The following MYRIP variants were observed in gnomAD, a reference collection of about 807,000 sequenced individuals.
MYRIP encodes the protein rab effector MyRIP.
MYRIP carries 49 observed loss-of-function variants against 98.0 expected under a neutral mutation model. The ratio of observed to expected loss-of-function variants is 0.50; its 90% CI spans 0.40 to 0.63. The LOEUF (loss-of-function observed/expected upper bound fraction) is 0.63, where lower values mean the gene tolerates loss of function less well. MYRIP is among the 30% of genes least tolerant of loss of function. The pLI is 0.00. For missense variants in MYRIP, 1,004 were observed against 1,058.2 expected, an observed-to-expected ratio of 0.95 and a Z score of 0.71; for synonymous variants, 404 against 409.5, an observed-to-expected ratio of 0.99 and a Z score of 0.16.
At chr3:39,951,991 C>T (rs1945028856) in intron 2 of MYRIP, among the ~76,000 whole-genome samples, 1 of 152,112 alleles carries the variant, frequency 6.6e-6, no homozygotes, top group Admixed American at 6.6e-5. Flanking sequence ...GCAATCATCA[C>T]CACAATCAGA....
At chr3:40,033,935 G>T (rs960868045) in intron 2 of MYRIP, among the ~76,000 whole-genome samples, 30 of 152,144 alleles carry the variant, frequency 2.0e-4, no homozygotes, top group South Asian at 2.1e-4. Flanking sequence ...ACAACTATCT[G>T]ATCTTTGACA....
At chr3:39,998,258 G>A (rs1034727383) in intron 2 of MYRIP, among the ~76,000 whole-genome samples, 1 of 152,176 alleles carries the variant, frequency 6.6e-6, no homozygotes, top group Non-Finnish European at 1.5e-5. Flanking sequence ...GTTTGCAGAT[G>A]ACATGATTGT....
chr3:40,008,208 G>A lies in MYRIP; in HGVS notation c.111-35842G>A, dbSNP rs1236401027. Among the ~76,000 whole-genome samples the A allele has an allele frequency of 2.8e-4, 43 of 152,012 alleles. 1 individual carries two copies. The highest frequency in any genetic ancestry group is 2.8e-3 in the Admixed American group (43 of 15,260). On this transcript the variant is annotated intron_variant, in intron 2 of 16. Transcript: ENST00000302541. ...TTCTCTGCACTTAGAATATTATATG[G>A]TACAAGGTAGCATTTCCATATATGT... is the stretch of plus-strand genomic sequence containing the variant.
At position 39,929,160 on chromosome 3, in the gene MYRIP, T is replaced by A. The variant is rs75053793; in HGVS notation, c.110+28234T>A. Among the ~76,000 whole-genome samples, 978 of 151,962 alleles carry A rather than the reference T, an allele frequency of 6.4e-3. 15 individuals carry two copies. The highest frequency in any genetic ancestry group is 0.023 in the African/African-American group (946 of 41,494). ...AATTAAAATATGATATTGTTTAGAG[T>A]CACTCAAAAACAAATGAAATATTTA... On this transcript the variant is annotated intron_variant, in intron 2 of 16. Transcript: ENST00000302541.
rs768094065 is a variant in MYRIP, at chr3:40,142,047, ATTTTTTTTTTTTT to A, written c.333-8990_333-8978del. 2.3e-4 allele frequency among the ~76,000 whole-genome samples: 22 copies of A among 95,970 alleles called. No individual in the cohort carries two copies. The South Asian group carries it at 9.5e-3, about 41-fold the overall frequency. 63.0% of individuals were successfully genotyped at this position (95,970 alleles called of 152,430 possible). On this transcript the variant is annotated intron_variant, in intron 3 of 16. Coordinates refer to ENST00000302541, the MANE Select transcript of MYRIP (RefSeq NM_015460.4). Reference sequence around the variant, plus strand: ...GATTGCTCTGGGTAGTATGCTGTTGATTTTTTTTTTTTTTTTTTTTTTTGAGAGAAGTCTTGCT... The same window carrying A: ...GATTGCTCTGGGTAGTATGCTGTTGATTTTTTTTTTGAGAGAAGTCTTGCT...
intron 8 of MYRIP, among the ~76,000 whole-genome samples, chr3:40,172,287 C>G (rs544072893): frequency 6.6e-6 from 1 of 152,100 alleles, no homozygotes; most frequent in African/African-American, 2.4e-5. Flanking sequence ...GTGCTGGGGA[C>G]AGGTAGACGC....
chr3:40,196,237 G>A (rs752888948), intron 10 of MYRIP, among the ~76,000 whole-genome samples: 13 of 151,258 alleles, frequency 8.6e-5, no homozygotes, highest in Non-Finnish European at 1.8e-4. Context: ...TTGCTTCCTA[G>A]TCTGTTAATT....
At chr3:39,838,874 C>T (rs201301007) in intron 1 of MYRIP, among the ~76,000 whole-genome samples, 1 of 152,096 alleles carries the variant, frequency 6.6e-6, no homozygotes, top group Non-Finnish European at 1.5e-5. Context: ...TTAATTACTG[C>T]CTCAATTTCA....
chr3:40,156,790 T>G (rs1282109061), intron 4 of MYRIP, among the ~76,000 whole-genome samples: 24 of 152,094 alleles, frequency 1.6e-4, no homozygotes, highest in Admixed American at 1.6e-3. Flanking sequence ...TTTGGCTCTC[T>G]GTTTGTCTGT....
intron 1 of MYRIP, among the ~76,000 whole-genome samples, chr3:39,882,504 A>T (rs1195121263): frequency 6.6e-6 from 1 of 152,162 alleles, no homozygotes; most frequent in Non-Finnish European, 1.5e-5. Flanking sequence ...TTTTTGTCAG[A>T]ACACAATTAT....
intron 11 of MYRIP, among the ~76,000 whole-genome samples, chr3:40,221,526 G>T (rs1207502881): frequency 6.6e-6 from 1 of 152,162 alleles, no homozygotes; most frequent in Non-Finnish European, 1.5e-5. Context: ...AGCTACTCCG[G>T]AGGCTAAGGT....
intron 3 of MYRIP, among the ~76,000 whole-genome samples, chr3:40,130,515 C>G (rs1295876723): frequency 6.6e-6 from 1 of 151,550 alleles, no homozygotes. Context: ...GTAGCTGGGA[C>G]TACAGGCGCC....
At chr3:40,215,806 C>T (rs1952102451) in intron 11 of MYRIP, among the ~76,000 whole-genome samples, 1 of 152,154 alleles carries the variant, frequency 6.6e-6, no homozygotes, top group African/African-American at 2.4e-5. Context: ...TTCCAAACTA[C>T]ACTGATTTCA....
chr3:40,166,527 T>G (rs1003764506), intron 5 of MYRIP, among the ~76,000 whole-genome samples: 6 of 127,380 alleles, frequency 4.7e-5, no homozygotes, highest in African/African-American at 2.0e-4. Context: ...CCGAGAAGAT[T>G]TGTTAGAGGA....
intron 11 of MYRIP, among the ~76,000 whole-genome samples, chr3:40,232,387 C>G (rs1952688539): frequency 6.6e-6 from 1 of 152,208 alleles, no homozygotes; most frequent in Non-Finnish European, 1.5e-5. Context: ...CTTTGCTTCT[C>G]TAGTGAAGTG....
rs1367293972 is a variant in MYRIP, at chr3:39,874,148, G to A, written c.-30-26639G>A. 7.7e-3 allele frequency among the ~76,000 whole-genome samples: 1,175 copies of A among 151,658 alleles called. 18 individuals carry two copies. Among genetic ancestry groups the A allele is most frequent in the African/African-American group, 0.027 (1,113 of 41,110 alleles). On this transcript the variant is annotated intron_variant, in intron 1 of 16. Coordinates refer to ENST00000302541, the MANE Select transcript of MYRIP (RefSeq NM_015460.4). Reference sequence around the variant, plus strand: ...TGATTTGGCTCTCTGTTTGTCTGTTGTTGGCGTATAAGAATGCTTGTGATT... The same window carrying A: ...TGATTTGGCTCTCTGTTTGTCTGTTATTGGCGTATAAGAATGCTTGTGATT...
At chr3:40,153,810 C>T (rs771713202) in intron 4 of MYRIP, among the ~76,000 whole-genome samples, 5 of 152,184 alleles carry the variant, frequency 3.3e-5, no homozygotes, top group African/African-American at 9.7e-5. Flanking sequence ...ACCTACAGAA[C>T]GTCTTCACTA....
intron 10 of MYRIP, among the ~76,000 whole-genome samples, chr3:40,199,402 G>C (rs1010293773): frequency 6.6e-6 from 1 of 152,186 alleles, no homozygotes; most frequent in Non-Finnish European, 1.5e-5. Flanking sequence ...TGGGCATATG[G>C]AGAGCAGTGG....
intron 3 of MYRIP, among the ~76,000 whole-genome samples, chr3:40,082,941 T>C (rs1399992640): frequency 6.6e-6 from 1 of 152,184 alleles, no homozygotes; most frequent in Non-Finnish European, 1.5e-5. Flanking sequence ...TAGGCCAGAA[T>C]AATATTGGAT....
Sources: allele counts gnomAD v4.1 joint callset (sites outside exome capture counted in the v4.1 genomes callset), GRCh38; gene constraint gnomAD v4.1.1; transcripts MANE v1.5; gene names NCBI Gene and HGNC (gene_info 2026-07-23, HGNC 2026-07-21).